The following ST6GAL2 variants were observed in gnomAD, a reference collection of about 807,000 sequenced individuals.
ST6GAL2 encodes beta-galactoside alpha-2,6-sialyltransferase 2.
Under a neutral mutation model 37.5 loss-of-function variants are expected in ST6GAL2, and 24 were observed. That is an observed-to-expected ratio of 0.64 (90% CI 0.46 to 0.90). The LOEUF is 0.90. ST6GAL2 is among the 40% of genes least tolerant of loss of function. ST6GAL2 has a pLI of 0.00. For missense variants in ST6GAL2, 715 were observed against 712.7 expected, an observed-to-expected ratio of 1.00 and a Z score of -0.04; for synonymous variants, 306 against 295.1, an observed-to-expected ratio of 1.04 and a Z score of -0.38.
chr2:106,884,831 G>A lies in ST6GAL2; in HGVS notation c.-58+1262C>T, dbSNP rs146037970. ...TTCCAGAAAAATAATGGGGGAAGGAGAGTGGGTAAAAACAGGTTCAAGGCC... is the reference window on the plus strand; with the variant it reads ...TTCCAGAAAAATAATGGGGGAAGGAAAGTGGGTAAAAACAGGTTCAAGGCC... On this transcript the variant is annotated intron_variant, in intron 1 of 5. Transcript: ENST00000409382. 6.1e-3 allele frequency among the ~76,000 whole-genome samples: 916 copies of A among 149,652 alleles called. 6 individuals are homozygous for A. The highest frequency in any genetic ancestry group is 0.021 in the African/African-American group (840 of 40,682).
chr2:106,868,594 A>G (rs1024294805), intron 1 of ST6GAL2, among the ~76,000 whole-genome samples: 3 of 152,240 alleles, frequency 2.0e-5, no homozygotes, highest in African/African-American at 4.8e-5. Flanking sequence ...CAGTGCTTCA[A>G]ACATGCTTGC....
chr2:106,839,378 GC>G (rs1160747166), intron 2 of ST6GAL2, among the ~76,000 whole-genome samples: 2 of 152,056 alleles, frequency 1.3e-5, no homozygotes, highest in Non-Finnish European at 2.9e-5. Flanking sequence ...TGTCATTTCT[GC>G]CTTGTCAGCC....
At chr2:106,849,069 C>T (rs1028029754) in intron 1 of ST6GAL2, among the ~76,000 whole-genome samples, 2 of 152,170 alleles carry the variant, frequency 1.3e-5, no homozygotes, top group African/African-American at 2.4e-5. Context: ...TTAACTTCTC[C>T]GTTTTGGAAA....
At chr2:106,863,071 C>T (rs1677875816) in intron 1 of ST6GAL2, among the ~76,000 whole-genome samples, 3 of 151,586 alleles carry the variant, frequency 2.0e-5, no homozygotes, top group South Asian at 4.2e-4. Context: ...CCATCATGTG[C>T]GTTACAGCTG....
intron 5 of ST6GAL2, among the ~76,000 whole-genome samples, chr2:106,821,699 G>C (rs952065334): frequency 1.3e-5 from 2 of 151,640 alleles, no homozygotes; most frequent in African/African-American, 4.8e-5. Flanking sequence ...ACCAGACAAA[G>C]ACACATCAAA....
chr2:106,874,863 A>T (rs947099809), intron 1 of ST6GAL2, among the ~76,000 whole-genome samples: 1 of 152,226 alleles, frequency 6.6e-6, no homozygotes, highest in African/African-American at 2.4e-5. Flanking sequence ...CAGCATTTGC[A>T]GCAGCAGGTA....
At chr2:106,834,275 C>A in intron 2 of ST6GAL2, 129 bp from the exon 3 acceptor site, 1 of 638,264 alleles carries the variant, frequency 1.6e-6, no homozygotes, top group Non-Finnish European at 2.8e-6. Flanking sequence ...AAGATATGCC[C>A]ACATGATTTT....
At chr2:106,836,160 A>C (rs1573242880) in intron 2 of ST6GAL2, among the ~76,000 whole-genome samples, 1 of 152,184 alleles carries the variant, frequency 6.6e-6, no homozygotes, top group East Asian at 1.9e-4. Flanking sequence ...AAACCAAAAG[A>C]ATACTGAGAA....
At chr2:106,859,360 T>C (rs1364221641) in intron 1 of ST6GAL2, among the ~76,000 whole-genome samples, 1 of 152,220 alleles carries the variant, frequency 6.6e-6, no homozygotes, top group Non-Finnish European at 1.5e-5. Context: ...CTGTGTTCTC[T>C]ATATACTGAT....
At chr2:106,866,949 T>G (rs1257749578) in intron 1 of ST6GAL2, among the ~76,000 whole-genome samples, 1 of 152,168 alleles carries the variant, frequency 6.6e-6, no homozygotes, top group Non-Finnish European at 1.5e-5. Flanking sequence ...CATTTAAAAC[T>G]GGCATTGCAC....
At chr2:106,861,640 T>TC (rs1677801840) in intron 1 of ST6GAL2, among the ~76,000 whole-genome samples, 2 of 152,038 alleles carry the variant, frequency 1.3e-5, no homozygotes, top group East Asian at 3.9e-4. Flanking sequence ...TTTTTTCTTT[T>TC]TTTTTTTGAG....
chr2:106,882,055 G>T (rs950752515), intron 1 of ST6GAL2, among the ~76,000 whole-genome samples: 1 of 152,154 alleles, frequency 6.6e-6, no homozygotes, highest in Non-Finnish European at 1.5e-5. Flanking sequence ...TGACTGCCTG[G>T]ATATTCCACA....
rs561545367 is a variant in ST6GAL2 at position 106,829,004 on chromosome 2, G to A, written c.1318+1062C>T. On this transcript the variant is annotated intron_variant, in intron 5 of 5. Transcript: ENST00000409382. ...GTAGATGAAAGATGGCATACTCTTC[G>A]GTTAAGAGAGCTAAATGAGGTACTG... Among the ~76,000 whole-genome samples the A allele has an allele frequency of 6.0e-4, 91 of 152,242 alleles. 3 individuals are homozygous for A. The South Asian group carries it at 0.017, about 29-fold the overall frequency.
chr2:106,826,086 C>T (rs1242209006), intron 5 of ST6GAL2, among the ~76,000 whole-genome samples: 3 of 152,198 alleles, frequency 2.0e-5, no homozygotes, highest in Non-Finnish European at 2.9e-5. Flanking sequence ...CTATTTCAAA[C>T]ATGCAGATTC....
chr2:106,806,891 G>A lies in ST6GAL2; in HGVS notation c.1377C>T (p.Ser459=), dbSNP rs532690347. 3.2e-5 allele frequency: 52 copies of A among 1,614,126 alleles called. 1 individual carries two copies. In the Admixed American group the frequency reaches 7.3e-4, roughly 23 times the overall value. The stretch of plus-strand genomic sequence containing the variant: ...AGTGGCACAGCTCCGTCTGCCGCAC[G>A]GATGGGATATATTCATACACGTGCA... ...REVHVYEYIP[S]VRQTELCHYH... is the part of the protein sequence containing the mutation. Residue 459 remains serine (S), a synonymous_variant, in exon 6 of 6, where the codon TCC becomes TCT. Coordinates refer to ENST00000409382, the MANE Select transcript of ST6GAL2 (RefSeq NM_001142351.2).
At chr2:106,886,740 G>C (rs1055782712), upstream of ST6GAL2, 1 of 151,812 alleles carries the variant, frequency 6.6e-6, no homozygotes, top group Non-Finnish European at 1.5e-5. Flanking sequence ...CCTAGCTGGC[G>C]GGAGCCGGGC....
chr2:106,846,368 G>A (rs891621218), intron 1 of ST6GAL2, among the ~76,000 whole-genome samples: 3 of 151,960 alleles, frequency 2.0e-5, no homozygotes, highest in Admixed American at 2.0e-4. Context: ...TTTGTTACAG[G>A]GGCATATTGC....
chr2:106,869,702 T>C (rs1678182199), intron 1 of ST6GAL2, among the ~76,000 whole-genome samples: 1 of 152,164 alleles, frequency 6.6e-6, no homozygotes, highest in Non-Finnish European at 1.5e-5. Context: ...TCTCATTAAG[T>C]TGACTGATAG....
chr2:106,876,806 C>T (rs1678520878), intron 1 of ST6GAL2, among the ~76,000 whole-genome samples: 1 of 152,108 alleles, frequency 6.6e-6, no homozygotes, highest in African/African-American at 2.4e-5. Flanking sequence ...CTGAAGAAAA[C>T]AAGACAGATA....
Sources: allele counts gnomAD v4.1 joint callset (sites outside exome capture counted in the v4.1 genomes callset), GRCh38; gene constraint gnomAD v4.1.1; transcripts MANE v1.5; gene names NCBI Gene and HGNC (gene_info 2026-07-23, HGNC 2026-07-21).